The following KCNMB2 variants were observed in gnomAD, a reference collection of about 807,000 sequenced individuals.
The protein encoded by KCNMB2 is potassium calcium-activated channel subfamily M regulatory beta subunit 2.
A neutral mutation model predicts 24.5 loss-of-function variants in KCNMB2; 9 were observed. That is an observed-to-expected ratio of 0.37 (90% CI 0.22 to 0.64). The LOEUF (loss-of-function observed/expected upper bound fraction) is 0.64, where lower values mean the gene tolerates loss of function less well. Ranked by LOEUF, KCNMB2 falls within the 30% of genes least tolerant of loss-of-function variation. The pLI is 0.63. For missense variants in KCNMB2, 226 were observed against 284.3 expected (o/e 0.79, Z 1.47); for synonymous variants, 109 against 104.4 (o/e 1.04, Z -0.27).
At chr3:178,736,810 C>T (rs1723332822) in intron 1 of KCNMB2, among the ~76,000 whole-genome samples, 1 of 152,108 alleles carries the variant, frequency 6.6e-6, no homozygotes, top group Admixed American at 6.5e-5. Context: ...AGTACTGGTG[C>T]CAAAACAATG....
rs116055691 is a variant in KCNMB2, at chr3:178,673,834, G to C, written c.-67-133509G>C. 7.5e-3 allele frequency among the ~76,000 whole-genome samples: 1,148 copies of C among 152,194 alleles called. 15 individuals carry two copies. Among genetic ancestry groups the C allele is most frequent in the African/African-American group, 0.027 (1,113 of 41,514 alleles). On this transcript the variant is annotated intron_variant, in intron 1 of 4. Transcript: ENST00000452583. ...TCTCATTAAAGTAAGGTCCTCATCT[G>C]TAAAAGCCTAACAAGCCTCTGCCTA...
intron 1 of KCNMB2, among the ~76,000 whole-genome samples, chr3:178,712,565 G>C (rs1488873384): frequency 6.6e-6 from 1 of 152,170 alleles, no homozygotes; most frequent in African/African-American, 2.4e-5. Context: ...CACGCACACT[G>C]TATGTGAGGC....
intron 1 of KCNMB2, chr3:178,795,158 T>C (rs533912125): frequency 3.3e-5 from 5 of 151,814 alleles, no homozygotes; most frequent in Non-Finnish European, 7.4e-5. Context: ...TCCAGAGAAA[T>C]GTACTGAAAA....
intron 1 of KCNMB2, among the ~76,000 whole-genome samples, chr3:178,548,826 A>G (rs181147830): frequency 5.9e-4 from 90 of 152,308 alleles, no homozygotes; most frequent in African/African-American, 2.1e-3. Flanking sequence ...ACTTCTACTT[A>G]CAAAATTGAA....
intron 1 of KCNMB2, among the ~76,000 whole-genome samples, chr3:178,741,237 C>A (rs865929588): frequency 6.6e-6 from 1 of 152,170 alleles, no homozygotes; most frequent in South Asian, 2.1e-4. Flanking sequence ...AGATATTTAA[C>A]CTTGCTCACT....
chr3:178,707,126 T>C (rs1255017743), intron 1 of KCNMB2, among the ~76,000 whole-genome samples: 1 of 152,080 alleles, frequency 6.6e-6, no homozygotes, highest in East Asian at 1.9e-4. Flanking sequence ...GAGTGGCAAG[T>C]GATACTTATT....
At chr3:178,825,422 A>G (rs1714794533) in intron 2 of KCNMB2, among the ~76,000 whole-genome samples, 166 bp from the exon 3 acceptor site, 1 of 152,160 alleles carries the variant, frequency 6.6e-6, no homozygotes, top group Non-Finnish European at 1.5e-5. Context: ...GTGTGTGTAC[A>G]TGCATGTGTG....
chr3:178,651,401 T>C (rs946598175), intron 1 of KCNMB2, among the ~76,000 whole-genome samples: 2 of 152,148 alleles, frequency 1.3e-5, no homozygotes, highest in African/African-American at 4.8e-5. Flanking sequence ...TACAAAGCAC[T>C]GCTCAAGGAA....
chr3:178,617,902 A>C (rs1470486783), intron 1 of KCNMB2, among the ~76,000 whole-genome samples: 6 of 151,648 alleles, frequency 4.0e-5, no homozygotes, highest in African/African-American at 1.2e-4. Context: ...AAAAAAAAAA[A>C]AAAAAAAAAC....
At chr3:178,544,167 G>T (rs149265725) in intron 1 of KCNMB2, among the ~76,000 whole-genome samples, 183 of 152,032 alleles carry the variant, frequency 1.2e-3, no homozygotes, top group African/African-American at 4.0e-3. Flanking sequence ...ATGCCCACAT[G>T]GTCAAAAAAA....
At chr3:178,767,103 C>T (rs1466651184) in intron 1 of KCNMB2, among the ~76,000 whole-genome samples, 1 of 152,128 alleles carries the variant, frequency 6.6e-6, no homozygotes, top group Non-Finnish European at 1.5e-5. Flanking sequence ...ACCGAACAAT[C>T]CCCCAAAACA....
At chr3:178,773,634 C>G (rs1158532481) in intron 1 of KCNMB2, among the ~76,000 whole-genome samples, 1 of 152,162 alleles carries the variant, frequency 6.6e-6, no homozygotes, top group African/African-American at 2.4e-5. Flanking sequence ...ACTCAGACTC[C>G]AGATCCATAT....
chr3:178,681,238 T>C (rs1577093131), intron 1 of KCNMB2, among the ~76,000 whole-genome samples: 1 of 148,748 alleles, frequency 6.7e-6, no homozygotes, highest in South Asian at 2.2e-4. Flanking sequence ...CACTGAAACC[T>C]GGAGCTGCAG....
At chr3:178,567,427 A>G (rs1406509088) in intron 1 of KCNMB2, among the ~76,000 whole-genome samples, 2 of 152,162 alleles carry the variant, frequency 1.3e-5, no homozygotes, top group African/African-American at 2.4e-5. Context: ...AAGGTATTCA[A>G]TAAATGATCA....
chr3:178,752,897 G>C (rs1315039562), intron 1 of KCNMB2, among the ~76,000 whole-genome samples: 1 of 152,090 alleles, frequency 6.6e-6, no homozygotes, highest in African/African-American at 2.4e-5. Context: ...TAGTCTTTTG[G>C]GGAAGCAAAA....
intron 2 of KCNMB2, among the ~76,000 whole-genome samples, chr3:178,814,076 G>A (rs1055244643): frequency 2.6e-5 from 4 of 151,808 alleles, no homozygotes. Context: ...CTGAAGTTTG[G>A]GCCTCTATTG....
chr3:178,595,231 C>G (rs1259937613), intron 1 of KCNMB2, among the ~76,000 whole-genome samples: 4 of 152,004 alleles, frequency 2.6e-5, no homozygotes, highest in African/African-American at 7.2e-5. Context: ...CTTTGAACCT[C>G]ATGACATCCA....
Position 178,735,522 on chromosome 3 carries a change from T to A in KCNMB2, c.-67-71821T>A, listed in dbSNP as rs150199135. On this transcript the variant is annotated intron_variant, in intron 1 of 4. Coordinates refer to ENST00000452583, the MANE Select transcript of KCNMB2 (RefSeq NM_181361.3). ...TGAGAGCCCAGTTTTGGAGGGTGTG[T>A]TTAAAACAACCGAGTTCAAGTTCCA... is the stretch of plus-strand genomic sequence containing the variant. Among the ~76,000 whole-genome samples the A allele has an allele frequency of 3.6e-3, 554 of 152,290 alleles. 1 individual carries two copies. Among genetic ancestry groups the A allele is most frequent in the Non-Finnish European group, 5.5e-3 (374 of 68,016 alleles).
intron 1 of KCNMB2, among the ~76,000 whole-genome samples, chr3:178,544,540 G>T (rs965768596): frequency 1.3e-5 from 2 of 152,158 alleles, no homozygotes; most frequent in African/African-American, 4.8e-5. Context: ...GCAGTCAAAT[G>T]TCAAGTCTGC....
Sources: gnomAD v4.1 joint callset for allele counts (sites outside exome capture counted in the v4.1 genomes callset) on GRCh38, gnomAD v4.1.1 for gene constraint, MANE v1.5 for transcripts, NCBI Gene and HGNC (gene_info 2026-07-23, HGNC 2026-07-21) for gene names.